Variants in POTEF observed in about 807,000 individuals in gnomAD.
The protein encoded by POTEF is ANKRD26-like family C member 1B.
In POTEF, 20 loss-of-function variants were observed where a neutral mutation model predicts 83.2. That is an observed-to-expected ratio of 0.24 (90% CI 0.17 to 0.35). POTEF has a LOEUF of 0.35. Among genes scored for constraint, POTEF ranks in the 10% least tolerant of loss-of-function variants. The probability of loss-of-function intolerance (pLI) is 1.00; values close to 1 mark genes in which losing one functional copy is unlikely to be tolerated. For missense variants in POTEF, 550 were observed against 1,203.2 expected (o/e 0.46, Z 8.03); for synonymous variants, 196 against 446.4 (o/e 0.44, Z 7.07).
At position 130,120,100 on chromosome 2, in the gene POTEF, T is replaced by A; in HGVS notation, c.416A>T (p.Asp139Val). The A allele has an allele frequency of 1.9e-6, 3 of 1,605,402 alleles. No individual in the cohort carries two copies. The highest frequency in any genetic ancestry group is 2.5e-6 in the Non-Finnish European group (3 of 1,178,726). Residue 139 changes from aspartate to valine, a missense_variant, in exon 3 of 17, where the codon GAT becomes GTT. By Grantham distance (152) the Asp-to-Val change is radical (BLOSUM62 -3). Coordinates refer to ENST00000409914, the MANE Select transcript of POTEF (RefSeq NM_001099771.2). ...MEPRYHVRGE[D>V]LDKLHRAAWW... ...GGCAGCTCTGTGGAGCTTGTCCAGA[T>A]CTTCTCCACGGACGTGGTACCTGGG...
chr2:130,115,574 A>C (rs1202200360), intron 3 of POTEF, among the ~76,000 whole-genome samples: 3 of 152,134 alleles, frequency 2.0e-5, no homozygotes, highest in Non-Finnish European at 2.9e-5. Flanking sequence ...CTGGAATCCT[A>C]CTTGAAGCTC....
intron 2 of POTEF, among the ~76,000 whole-genome samples, chr2:130,122,128 C>T (rs1408025211): frequency 6.9e-6 from 1 of 145,818 alleles, no homozygotes; most frequent in East Asian, 2.1e-4. Context: ...CAATGTTCAT[C>T]CTTTTTGGAG....
intron 3 of POTEF, among the ~76,000 whole-genome samples, chr2:130,117,616 C>G (rs1038312861): frequency 6.6e-6 from 1 of 151,982 alleles, no homozygotes; most frequent in Non-Finnish European, 1.5e-5. Flanking sequence ...CGACATATCT[C>G]TGTATCTACT....
In POTEF at chr2:130,075,070, T is replaced by TG. The variant is rs1482634335; in HGVS notation, c.2401dup (p.His801ProfsTer13). On this transcript the variant is annotated frameshift_variant, in exon 17 of 17. Transcript: ENST00000409914. LOFTEE classifies it high-confidence loss of function. ...GGTGGCCTCGGTCAGCAGGACGGGGTGCTCCTCGGGAGCCACACGCAGCTC... is the reference window on the plus strand; with the variant it reads ...GGTGGCCTCGGTCAGCAGGACGGGGTGGCTCCTCGGGAGCCACACGCAGCTC... 2 of 1,613,676 alleles carry TG rather than the reference T, an allele frequency of 1.2e-6. No individual in the cohort carries two copies. The highest frequency in any genetic ancestry group is 1.7e-6 in the Non-Finnish European group (2 of 1,179,960).
rs57173649 is a variant in POTEF, at chr2:130,127,324, C to CAAAA, written c.-94+381_-94+384dup. Among the ~76,000 whole-genome samples, 22 of 12,448 alleles carry CAAAA rather than the reference C, an allele frequency of 1.8e-3. 6 individuals are homozygous for CAAAA. The highest frequency in any genetic ancestry group is 5.3e-3 in the African/African-American group (16 of 3,018). 8.2% of individuals were successfully genotyped at this position (12,448 alleles called of 152,430 possible). A position where few individuals can be genotyped will look rare whatever the true frequency, so the allele number is the denominator to read the frequency against. ...TGGGCAAAAGAGCGAGACTCTGTCTCAAAAAAAAAAAAAAAAAAAAAAAAA... is the reference window on the plus strand; with the variant it reads ...TGGGCAAAAGAGCGAGACTCTGTCTCAAAAAAAAAAAAAAAAAAAAAAAAAAAAA... On this transcript the variant is annotated intron_variant, in intron 2 of 16. Transcript: ENST00000409914.
At position 130,075,493 on chromosome 2, in the gene POTEF, A is replaced by G. The variant is rs1268862071; in HGVS notation, c.1979T>C (p.Leu660Pro). ...TLREEIAMLRLELDTMKHQSQ... is the reference protein window; with the variant it reads ...TLREEIAMLRPELDTMKHQSQ... ...CTGATGTTTCATTGTGTCTAGCTCC[A>G]GTCTTAGCATGGCAATTTCTTCCCG... is the stretch of plus-strand genomic sequence containing the variant. The change falls in exon 17 of 17, where the codon CTG (leucine) becomes CCG (proline). Residue 660 changes from leucine (L) to proline (P), a missense_variant. Coordinates refer to ENST00000409914, the MANE Select transcript of POTEF (RefSeq NM_001099771.2). 2 of 1,611,220 alleles carry G rather than the reference A, an allele frequency of 1.2e-6. No individual in the cohort carries two copies. The highest frequency in any genetic ancestry group is 2.2e-5 in the East Asian group (1 of 44,872).
intron 2 of POTEF, among the ~76,000 whole-genome samples, chr2:130,126,571 AATC>A (rs1414732578): frequency 1.3e-5 from 2 of 152,068 alleles, no homozygotes; most frequent in Non-Finnish European, 2.9e-5. Context: ...ACGAGTGAAA[AATC>A]AAACCTTCTA....
intron 5 of POTEF, 123 bp from the exon 6 acceptor site, chr2:130,112,224 A>G (rs3990542): frequency 3.0e-5 from 35 of 1,167,588 alleles, no homozygotes; most frequent in Non-Finnish European, 3.4e-5. Context: ...AAATGTAGTC[A>G]CTTCCTTCTC....
chr2:130,075,913 C>A (rs1185544803), intron 16 of POTEF, among the ~76,000 whole-genome samples: 1 of 150,114 alleles, frequency 6.7e-6, no homozygotes, highest in African/African-American at 2.5e-5. Flanking sequence ...TACAAAAAAC[C>A]CAGAGGCATA....
At chr2:130,127,273 C>T (rs1206398974) in intron 2 of POTEF, among the ~76,000 whole-genome samples, 4 of 122,546 alleles carry the variant, frequency 3.3e-5, no homozygotes, top group African/African-American at 3.3e-5. Flanking sequence ...TGCAGTGAGC[C>T]GAGATCACAC....
In POTEF at chr2:130,074,954, G is replaced by A. The variant is rs369717354; in HGVS notation, c.2518C>T (p.Leu840=). 3.1e-6 allele frequency: 5 copies of A among 1,608,624 alleles called. No homozygotes were observed. The highest frequency in any genetic ancestry group is 4.2e-6 in the Non-Finnish European group (5 of 1,178,766). The part of the protein sequence containing the change: ...PAMYVAIQAV[L]SLYTSGRTTG... Reference sequence around the variant, plus strand: ...GTACGGCCAGAGGTGTACAGGGACAGCACAGCCTGGATGGCCACGTACATG... The same window carrying A: ...GTACGGCCAGAGGTGTACAGGGACAACACAGCCTGGATGGCCACGTACATG... Residue 840 remains leucine (L), a synonymous_variant, in exon 17 of 17, where the codon CTG becomes TTG. Transcript: ENST00000409914.
At chr2:130,115,804 G>C (rs1480321937) in intron 3 of POTEF, among the ~76,000 whole-genome samples, 4 of 152,080 alleles carry the variant, frequency 2.6e-5, no homozygotes, top group Non-Finnish European at 5.9e-5. Flanking sequence ...GAATTGAGAT[G>C]ATACAATTAT....
chr2:130,120,655 G>A, intron 2 of POTEF, 47 bp from the exon 3 acceptor site: 1 of 1,508,298 alleles, frequency 6.6e-7, no homozygotes, highest in Admixed American at 2.0e-5. Context: ...GCCAACCCCA[G>A]CAGGGGATTC....
intron 1 of POTEF, among the ~76,000 whole-genome samples, chr2:130,128,721 C>T (rs1285227785): frequency 6.6e-6 from 1 of 151,268 alleles, no homozygotes; most frequent in African/African-American, 2.4e-5. Context: ...CAGCACCCGA[C>T]AACACTCCTA....
chr2:130,075,426 A>T lies in POTEF; in HGVS notation c.2046T>A (p.Ser682Arg), dbSNP rs543815931. ...REKKYLEDIE[S>R]VKKRNDNLLK... ...AAAGATTATCATTCCTTTTTTTCAC[A>T]CTTTCAATATCCTCCAAATATTTCT... is the stretch of plus-strand genomic sequence containing the variant. Residue 682 changes from serine to arginine, a missense_variant, in exon 17 of 17, where the codon AGT becomes AGA. By Grantham distance (110) the Ser-to-Arg change is moderately radical (BLOSUM62 -1). Transcript: ENST00000409914. 1 of 1,611,308 alleles carries T rather than the reference A, an allele frequency of 6.2e-7. No homozygotes were observed. The highest frequency in any genetic ancestry group is 1.3e-5 in the African/African-American group (1 of 74,614).
chr2:130,126,865 C>T (rs1363351546), intron 2 of POTEF, among the ~76,000 whole-genome samples: 1 of 151,764 alleles, frequency 6.6e-6, no homozygotes, highest in Non-Finnish European at 1.5e-5. Flanking sequence ...GAAATAGAAG[C>T]AGCAGCAAAA....
intron 5 of POTEF, among the ~76,000 whole-genome samples, chr2:130,113,421 G>A (rs867975428): frequency 5.7e-5 from 8 of 140,300 alleles, no homozygotes; most frequent in Admixed American, 2.3e-4. Flanking sequence ...CTCTTCTAGA[G>A]ATACCTTAAG....
rs547807126 is a variant in POTEF at position 130,075,855 on chromosome 2, A to C, written c.1900-283T>G. The stretch of plus-strand genomic sequence containing the variant: ...TAAAGACGATGAAAAATAAATCACT[A>C]GAGGATTTTTAAGAATCCCAGAATT... On this transcript the variant is annotated intron_variant, in intron 16 of 16. Transcript: ENST00000409914. Among the ~76,000 whole-genome samples, 72 of 150,612 alleles carry C rather than the reference A, an allele frequency of 4.8e-4. 2 individuals are homozygous for C. The highest frequency in any genetic ancestry group is 1.5e-3 in the African/African-American group (61 of 40,814).
rs1683700868 is a variant in POTEF at position 130,074,155 on chromosome 2, A to C, written c.*89T>G. 7.1e-7 allele frequency: 1 copy of C among 1,411,104 alleles called. No homozygotes were observed. The highest frequency in any genetic ancestry group is 2.3e-5 in the East Asian group (1 of 43,568). 87.4% of individuals were successfully genotyped at this position (1,411,104 alleles called of 1,614,324 possible). ...AACAAAACAAAAAATGAAACAAGAA[A>C]ACAAATAAAGCCATGCCAATCTCAT... On this transcript the variant is annotated 3_prime_UTR_variant, in exon 17 of 17. Transcript: ENST00000409914.
Sources: allele counts gnomAD v4.1 joint callset (sites outside exome capture counted in the v4.1 genomes callset), GRCh38; gene constraint gnomAD v4.1.1; transcripts MANE v1.5; gene names NCBI Gene and HGNC (gene_info 2026-07-23, HGNC 2026-07-21).